Variants in SLC4A4 observed in about 807,000 individuals in gnomAD.
SLC4A4 encodes solute carrier family 4 member 4.
Under a neutral mutation model 111.5 loss-of-function variants are expected in SLC4A4, and 27 were observed. The ratio of observed to expected loss-of-function variants is 0.24; its 90% confidence interval spans 0.18 to 0.33. SLC4A4 has a LOEUF of 0.33. Among genes scored for constraint, SLC4A4 ranks in the 10% least tolerant of loss-of-function variants. The pLI, the probability that SLC4A4 is intolerant of heterozygous loss-of-function variation, is 1.00. For synonymous variants in SLC4A4, 443 were observed against 463.4 expected, an observed-to-expected ratio of 0.96 and a Z score of 0.57; for missense variants, 909 against 1,315.5, an observed-to-expected ratio of 0.69 and a Z score of 4.78.
intron 7 of SLC4A4, among the ~76,000 whole-genome samples, chr4:71,408,648 C>T (rs200260424): frequency 1.1e-4 from 16 of 152,320 alleles, no homozygotes; most frequent in African/African-American, 3.8e-4. Context: ...ATGCACATTA[C>T]TCTTGTACCC....
intron 2 of SLC4A4, among the ~76,000 whole-genome samples, chr4:71,244,385 A>G (rs919428441): frequency 6.6e-6 from 1 of 152,194 alleles, no homozygotes; most frequent in Non-Finnish European, 1.5e-5. Context: ...TTAGCCACCT[A>G]CTAGAAATGC....
At chr4:71,420,070 A>G (rs1192098128) in intron 7 of SLC4A4, among the ~76,000 whole-genome samples, 2 of 152,236 alleles carry the variant, frequency 1.3e-5, no homozygotes, top group African/African-American at 4.8e-5. Flanking sequence ...CCAAAGGCAA[A>G]GAAGTTAAAA....
chr4:71,373,901 GAGGTAGCAACC>G (rs1205185849), intron 6 of SLC4A4, among the ~76,000 whole-genome samples: 1 of 152,164 alleles, frequency 6.6e-6, no homozygotes, highest in Non-Finnish European at 1.5e-5. Flanking sequence ...GATGCCTCAG[GAGGTAGCAACC>G]AGGAAGATCA....
At chr4:71,405,598 G>A (rs1337177185) in intron 7 of SLC4A4, among the ~76,000 whole-genome samples, 1 of 152,092 alleles carries the variant, frequency 6.6e-6, no homozygotes, top group Non-Finnish European at 1.5e-5. Context: ...TTTTATAAGT[G>A]GAATTGCTGG....
At chr4:71,478,395 T>G (rs1728561568) in intron 14 of SLC4A4, among the ~76,000 whole-genome samples, 1 of 151,958 alleles carries the variant, frequency 6.6e-6, no homozygotes, top group Admixed American at 6.6e-5. Flanking sequence ...AAATAAAATG[T>G]GGCACATATG....
intron 2 of SLC4A4, among the ~76,000 whole-genome samples, chr4:71,115,069 A>T (rs1743208572): frequency 6.7e-6 from 1 of 148,152 alleles, no homozygotes; most frequent in East Asian, 2.0e-4. Flanking sequence ...CATCATTCTC[A>T]GTAAACTATC....
At chr4:71,292,941 A>C (rs1420069003) in intron 3 of SLC4A4, among the ~76,000 whole-genome samples, 3 of 144,672 alleles carry the variant, frequency 2.1e-5, no homozygotes, top group East Asian at 2.1e-4. Context: ...CTCTGAGTTC[A>C]AGTGATTCTC....
Position 71,546,545 on chromosome 4 carries a change from G to A in SLC4A4, c.2621+17G>A. The stretch of plus-strand genomic sequence containing the variant: ...AGGAGTGAGGTGTGTTAACTCAGAG[G>A]AAAATGGCTCCCGAAAACACACTGT... On this transcript the variant is annotated intron_variant, in intron 19 of 25. Coordinates refer to ENST00000264485, the MANE Select transcript of SLC4A4 (RefSeq NM_001098484.3). 10 of 1,609,482 alleles carry A rather than the reference G, an allele frequency of 6.2e-6. No homozygotes were observed. The highest frequency in any genetic ancestry group is 8.5e-6 in the Non-Finnish European group (10 of 1,177,100).
At chr4:71,434,334 T>G (rs1370011939) in intron 7 of SLC4A4, 1 of 153,810 alleles carries the variant, frequency 6.5e-6, no homozygotes, top group African/African-American at 2.4e-5. Context: ...AATACAACAA[T>G]TTTTAAAATA....
intron 6 of SLC4A4, among the ~76,000 whole-genome samples, chr4:71,363,819 T>C (rs1045400713): frequency 6.6e-5 from 10 of 152,220 alleles, no homozygotes; most frequent in Non-Finnish European, 1.2e-4. Context: ...GATCAAGCTC[T>C]TTCCCACCTG....
chr4:71,065,636 T>G (rs1300555203), intron 1 of SLC4A4, among the ~76,000 whole-genome samples: 1 of 152,160 alleles, frequency 6.6e-6, no homozygotes, highest in Non-Finnish European at 1.5e-5. Flanking sequence ...TATTTTGAGA[T>G]TATCTTTGGC....
rs1560631029 is a variant in SLC4A4, at chr4:71,568,018, C to T, written c.*267C>T. On this transcript the variant is annotated 3_prime_UTR_variant, in exon 26 of 26. Transcript: ENST00000264485. Reference sequence around the variant, plus strand: ...GTCACAGGCCAAATAATACAGCGCTCTCTCTGCTTCTCTCTTGCATAGACA... The same window carrying T: ...GTCACAGGCCAAATAATACAGCGCTTTCTCTGCTTCTCTCTTGCATAGACA... 1.6e-6 allele frequency: 1 copy of T among 637,346 alleles called. No homozygotes were observed. Among genetic ancestry groups the T allele is most frequent in the Non-Finnish European group, 2.8e-6 (1 of 353,862 alleles). 39.5% of individuals were successfully genotyped at this position (637,346 alleles called of 1,614,324 possible).
rs35652102 is a variant in SLC4A4, at chr4:71,509,408, A to ATT, written c.2166+11726_2166+11727dup. On this transcript the variant is annotated intron_variant, in intron 16 of 25. Coordinates refer to ENST00000264485, the MANE Select transcript of SLC4A4 (RefSeq NM_001098484.3). The stretch of plus-strand genomic sequence containing the variant: ...CATGGAGTATCTTTTGTAGGGAGGG[A>ATT]TTTTTTTTTTTCTGTAAATGGGTCT... Among the ~76,000 whole-genome samples, 75 of 148,300 alleles carry ATT rather than the reference A, an allele frequency of 5.1e-4. 1 individual carries two copies. Among genetic ancestry groups the ATT allele is most frequent in the Admixed American group, 1.0e-3 (15 of 14,964 alleles).
chr4:71,078,162 A>T (rs1741895836), intron 1 of SLC4A4, among the ~76,000 whole-genome samples: 1 of 151,986 alleles, frequency 6.6e-6, no homozygotes, highest in African/African-American at 2.4e-5. Context: ...GTTAACCAAC[A>T]CATTGTGGGC....
chr4:71,297,465 T>C (rs1023330588), intron 3 of SLC4A4, among the ~76,000 whole-genome samples: 1 of 151,226 alleles, frequency 6.6e-6, no homozygotes, highest in Admixed American at 6.6e-5. Flanking sequence ...GATAATTACT[T>C]ATCCTTACAT....
At chr4:71,213,214 A>C (rs2149014082) in intron 1 of SLC4A4, among the ~76,000 whole-genome samples, 1 of 152,330 alleles carries the variant, frequency 6.6e-6, no homozygotes, top group African/African-American at 2.4e-5. Flanking sequence ...ATAACTCAGA[A>C]TTCTGTATTT....
At chr4:71,284,251 A>C (rs983465215) in intron 3 of SLC4A4, among the ~76,000 whole-genome samples, 3 of 152,204 alleles carry the variant, frequency 2.0e-5, no homozygotes, top group African/African-American at 7.2e-5. Context: ...TTTTTCATTG[A>C]ATTTGAGTAT....
intron 8 of SLC4A4, among the ~76,000 whole-genome samples, chr4:71,447,289 G>T (rs112936723): frequency 1.1e-4 from 16 of 152,208 alleles, no homozygotes; most frequent in African/African-American, 3.9e-4. Flanking sequence ...GTGCTTGATG[G>T]GTTTGCTCCA....
At position 71,422,613 on chromosome 4, in the gene SLC4A4, G is replaced by A. The variant is rs531581320; in HGVS notation, c.808-18003G>A. On this transcript the variant is annotated intron_variant, in intron 7 of 25. Transcript: ENST00000264485. ...ATAAAATACTGGCAAACCAAATCCA[G>A]CAGCACATCAAAAAGCTTATCCACC... Among the ~76,000 whole-genome samples, 138 of 152,016 alleles carry A rather than the reference G, an allele frequency of 9.1e-4. 1 individual carries two copies. Among genetic ancestry groups the A allele is most frequent in the African/African-American group, 3.1e-3 (128 of 41,454 alleles).
Sources: allele counts gnomAD v4.1 joint callset (sites outside exome capture counted in the v4.1 genomes callset), GRCh38; gene constraint gnomAD v4.1.1; transcripts MANE v1.5; gene names NCBI Gene and HGNC (gene_info 2026-07-23, HGNC 2026-07-21).